RNF145: variants seen among roughly 807,000 people sequenced by gnomAD.
RNF145 encodes the protein ring finger protein 145.
RNF145 carries 12 observed loss-of-function variants against 57.3 expected under a neutral mutation model. The observed-to-expected ratio is 0.21, with a 90% CI of 0.13 to 0.34. The LOEUF is 0.34. RNF145 is among the 10% of genes least tolerant of loss of function. RNF145 has a pLI of 1.00. For synonymous variants in RNF145, 262 were observed against 288.3 expected, an observed-to-expected ratio of 0.91 and a Z score of 0.92; for missense variants, 429 against 799.0, an observed-to-expected ratio of 0.54 and a Z score of 5.58.
chr5:159,159,270 C>T (rs569731945), intron 10 of RNF145, among the ~76,000 whole-genome samples: 7 of 152,020 alleles, frequency 4.6e-5, no homozygotes, highest in Non-Finnish European at 1.0e-4. Flanking sequence ...AAGGAAAAAC[C>T]AAAAATGAGG....
In RNF145 at chr5:159,163,253, T is replaced by C. The variant is rs112940998; in HGVS notation, c.1122-174A>G. Among the ~76,000 whole-genome samples the C allele has an allele frequency of 3.4e-3, 513 of 152,336 alleles. 4 individuals are homozygous for C. The highest frequency in any genetic ancestry group is 0.012 in the African/African-American group (485 of 41,568). ...CAGACCAAGTCACACAGGCTTGGCA[T>C]GTCAAAGCCACCACACTCAGTCAAT... is the stretch of plus-strand genomic sequence containing the variant. On this transcript the variant is annotated intron_variant, in intron 8 of 10. Transcript: ENST00000424310.
At chr5:159,207,457 A>C (rs1785932846) in intron 1 of RNF145, 3 of 1,492,246 alleles carry the variant, frequency 2.0e-6, no homozygotes, top group Non-Finnish European at 2.7e-6. Flanking sequence ...AAAAAGAAAA[A>C]CAAAAATCAT....
At chr5:159,184,331 C>A (rs1037799371) in intron 3 of RNF145, among the ~76,000 whole-genome samples, 1 of 152,136 alleles carries the variant, frequency 6.6e-6, no homozygotes, top group Non-Finnish European at 1.5e-5. Context: ...TAATTTCACA[C>A]AACAAAATTT....
intron 6 of RNF145, among the ~76,000 whole-genome samples, chr5:159,171,135 C>G (rs951139340): frequency 2.0e-5 from 3 of 152,058 alleles, no homozygotes; most frequent in African/African-American, 7.2e-5. Context: ...CCAAAATATC[C>G]ACCAATCATG....
chr5:159,168,839 G>T, intron 8 of RNF145, 34 bp downstream of exon 8: 1 of 1,329,314 alleles, frequency 7.5e-7, no homozygotes, highest in South Asian at 1.8e-5. Flanking sequence ...AATATTACAT[G>T]AGTTAATTTA....
At chr5:159,164,885 G>C (rs1784342511) in intron 8 of RNF145, among the ~76,000 whole-genome samples, 1 of 152,186 alleles carries the variant, frequency 6.6e-6, no homozygotes, top group Non-Finnish European at 1.5e-5. Flanking sequence ...ATTACCTACA[G>C]TTCAAGCAAC....
chr5:159,208,785 C>A (rs185836296), intron 1 of RNF145, among the ~76,000 whole-genome samples: 5 of 151,854 alleles, frequency 3.3e-5, no homozygotes, highest in African/African-American at 1.2e-4. Flanking sequence ...GGAAAGGGGC[C>A]GCTCTGGAAG....
intron 3 of RNF145, among the ~76,000 whole-genome samples, chr5:159,193,784 A>C (rs1325451416): frequency 6.6e-6 from 1 of 152,200 alleles, no homozygotes; most frequent in Non-Finnish European, 1.5e-5. Context: ...TCTAAGATTA[A>C]ATTTCAACTA....
chr5:159,204,390 G>A (rs971657889), intron 1 of RNF145, among the ~76,000 whole-genome samples: 1 of 151,992 alleles, frequency 6.6e-6, no homozygotes, highest in East Asian at 1.9e-4. Flanking sequence ...AAGTAGTGGG[G>A]GGGGGCAGGG....
intron 4 of RNF145, among the ~76,000 whole-genome samples, chr5:159,181,359 T>C (rs1784887747): frequency 6.6e-6 from 1 of 152,064 alleles, no homozygotes; most frequent in African/African-American, 2.4e-5. Context: ...TAATCTCTAA[T>C]ATTAGGCCTG....
chr5:159,162,853 T>C (rs1784275473), intron 9 of RNF145, 79 bp downstream of exon 9: 2 of 1,153,542 alleles, frequency 1.7e-6, no homozygotes, highest in Non-Finnish European at 2.4e-6. Context: ...TCATTCATCT[T>C]GAAAAAATTT....
In RNF145 at chr5:159,208,584, C is replaced by A. The variant is rs376228019; in HGVS notation, c.-40+647G>T. Among the ~76,000 whole-genome samples, 26 of 152,180 alleles carry A rather than the reference C, an allele frequency of 1.7e-4. 4 individuals carry two copies. Among genetic ancestry groups the A allele is most frequent in the Admixed American group, 6.5e-4 (10 of 15,300 alleles). On this transcript the variant is annotated intron_variant, in intron 1 of 10. Coordinates refer to ENST00000424310, the MANE Select transcript of RNF145 (RefSeq NM_001199383.2). ...GGGATGCAGAGCAATGGGCCCCCCTCGAAAAATGGACTGGCAGGCCCTTCC... is the reference window on the plus strand; with the variant it reads ...GGGATGCAGAGCAATGGGCCCCCCTAGAAAAATGGACTGGCAGGCCCTTCC...
At position 159,163,087 on chromosome 5, in the gene RNF145, AAG is replaced by A; in HGVS notation, c.1122-10_1122-9del. 6.3e-7 allele frequency: 1 copy of A among 1,586,202 alleles called. No homozygotes were observed. The highest frequency in any genetic ancestry group is 8.5e-7 in the Non-Finnish European group (1 of 1,172,418). ...AAGTGTTTCCACAAGCTCCTGGAGA[AAG>A]ACAAAATTATTCTTTTTAAGTGCCT... On this transcript the variant is annotated splice_polypyrimidine_tract_variant and intron_variant, in intron 8 of 10. Transcript: ENST00000424310.
rs1236564159 is a variant in RNF145 at position 159,163,085 on chromosome 5, G to A, written c.1122-6C>T. The A allele has an allele frequency of 3.8e-6, 6 of 1,586,868 alleles. No individual in the cohort carries two copies. The East Asian group carries it at 6.7e-5, about 18-fold the overall frequency. The stretch of plus-strand genomic sequence containing the variant: ...GGAAGTGTTTCCACAAGCTCCTGGA[G>A]AAAGACAAAATTATTCTTTTTAAGT... On this transcript the variant is annotated splice_region_variant and splice_polypyrimidine_tract_variant and intron_variant, in intron 8 of 10. Transcript: ENST00000424310.
intron 2 of RNF145, among the ~76,000 whole-genome samples, chr5:159,198,671 C>T (rs912853435): frequency 6.6e-6 from 1 of 152,150 alleles, no homozygotes; most frequent in Non-Finnish European, 1.5e-5. Context: ...TGATTGACAA[C>T]AAATTGAAAT....
chr5:159,190,886 A>G (rs1785267553), intron 3 of RNF145, among the ~76,000 whole-genome samples: 1 of 152,112 alleles, frequency 6.6e-6, no homozygotes, highest in Non-Finnish European at 1.5e-5. Context: ...ATCATATAGT[A>G]TAAATTATAC....
chr5:159,177,212 T>G (rs1482217026), intron 4 of RNF145, among the ~76,000 whole-genome samples: 1 of 152,080 alleles, frequency 6.6e-6, no homozygotes, highest in African/African-American at 2.4e-5. Flanking sequence ...ATAACTTCTT[T>G]TCCAAAGGTA....
chr5:159,176,552 TA>T (rs929433724), intron 5 of RNF145, 79 bp downstream of exon 5: 6 of 874,582 alleles, frequency 6.9e-6, no homozygotes, highest in Non-Finnish European at 9.0e-6. Context: ...AACTGTGAAA[TA>T]AAAATGAACT....
chr5:159,163,433 T>C (rs373599317), intron 8 of RNF145, among the ~76,000 whole-genome samples: 3 of 152,168 alleles, frequency 2.0e-5, no homozygotes, highest in South Asian at 2.1e-4. Context: ...TTAGAATAAT[T>C]TGTGGTCTTT....
Sources: gnomAD v4.1 joint callset for allele counts (sites outside exome capture counted in the v4.1 genomes callset) on GRCh38, gnomAD v4.1.1 for gene constraint, MANE v1.5 for transcripts, NCBI Gene and HGNC (gene_info 2026-07-23, HGNC 2026-07-21) for gene names.